Variants in ACTN2 observed in about 807,000 individuals in gnomAD.
The protein encoded by ACTN2 is actinin alpha 2, also known as alpha-actinin-2.
A neutral mutation model predicts 113.8 loss-of-function variants in ACTN2; 39 were observed. The observed-to-expected ratio is 0.34, with a 90% CI of 0.27 to 0.45. The LOEUF (loss-of-function observed/expected upper bound fraction) is 0.45, where lower values mean the gene tolerates loss of function less well. ACTN2 is among the 20% of genes least tolerant of loss of function. The pLI is 1.00. For synonymous variants in ACTN2, 429 were observed against 444.1 expected (o/e 0.97, Z 0.43); for missense variants, 992 against 1,177.9 (o/e 0.84, Z 2.31).
At position 236,763,027 on chromosome 1, in the gene ACTN2, TA is replaced by T; in HGVS notation, c.*414del. On this transcript the variant is annotated 3_prime_UTR_variant, in exon 21 of 21. Transcript: ENST00000366578. ...TTGGTAAATAAAGGTTTGCTATTTG[TA>T]AAAAATTTCATTTATCTCTAATATG... 4 of 312,800 alleles carry T rather than the reference TA, an allele frequency of 1.3e-5. No individual in the cohort carries two copies. Among genetic ancestry groups the T allele is most frequent in the Non-Finnish European group, 2.5e-5 (4 of 161,150 alleles). 19.4% of individuals were successfully genotyped at this position (312,800 alleles called of 1,614,324 possible). A position where few individuals can be genotyped will look rare whatever the true frequency, so the allele number is the denominator to read the frequency against.
At chr1:236,693,612 G>A (rs1005378658) in intron 1 of ACTN2, among the ~76,000 whole-genome samples, 2 of 152,120 alleles carry the variant, frequency 1.3e-5, no homozygotes, top group African/African-American at 2.4e-5. Context: ...CACCACGGCC[G>A]TTGGGTCACC....
chr1:236,706,057 T>G (rs1018430847), intron 1 of ACTN2, among the ~76,000 whole-genome samples: 24 of 152,190 alleles, frequency 1.6e-4, no homozygotes, highest in Non-Finnish European at 2.9e-5. Flanking sequence ...AGCCTGATTC[T>G]ATTTTTAGAT....
At chr1:236,726,608 G>A (rs567529288) in intron 5 of ACTN2, among the ~76,000 whole-genome samples, 1 of 152,246 alleles carries the variant, frequency 6.6e-6, no homozygotes, top group East Asian at 1.9e-4. Flanking sequence ...AAAAGAGTTG[G>A]TTATATTTTC....
At chr1:236,741,751 T>C (rs2102925618) in intron 10 of ACTN2, among the ~76,000 whole-genome samples, 1 of 152,328 alleles carries the variant, frequency 6.6e-6, no homozygotes, top group African/African-American at 2.4e-5. Context: ...TTCTTTTTCT[T>C]TTGCCCCTTA....
chr1:236,754,926 C>A lies in ACTN2; in HGVS notation c.1975-93C>A. The A allele has an allele frequency of 6.8e-7, 1 of 1,475,878 alleles. No individual in the cohort carries two copies. The highest frequency in any genetic ancestry group is 9.5e-7 in the Non-Finnish European group (1 of 1,056,076). 91.4% of individuals were successfully genotyped at this position (1,475,878 alleles called of 1,614,324 possible). Reference sequence around the variant, plus strand: ...CGCTGCCTGACGCTGGCCTAGCATCCCATGCAGGGTCTGGAACGGCGCCTC... The same window carrying A: ...CGCTGCCTGACGCTGGCCTAGCATCACATGCAGGGTCTGGAACGGCGCCTC... On this transcript the variant is annotated intron_variant, in intron 16 of 20. Transcript: ENST00000366578. The surrounding 1 kb of genome is among the most constrained non-coding windows in gnomAD (Gnocchi z 4.9).
chr1:236,710,805 C>T lies in ACTN2; in HGVS notation c.127-7053C>T, dbSNP rs548216219. On this transcript the variant is annotated intron_variant, in intron 1 of 20. Transcript: ENST00000366578. ...GCAAACCCTACTGTGAACTGTGTGC[C>T]AGAAATCTACATTGTGCGCTCTTTA... Among the ~76,000 whole-genome samples, 14 of 152,268 alleles carry T rather than the reference C, an allele frequency of 9.2e-5. No individual in the cohort carries two copies. The East Asian group carries it at 1.9e-3, about 21-fold the overall frequency.
rs552471202 is a variant in ACTN2 at position 236,686,571 on chromosome 1, G to GCGCCCGC, written c.-84_-78dup. ...AGAGGAGCCGCGCGAAGGTCACCCC[G>GCGCCCGC]CGCCCGCCGCCCGCCGCCCGCCGCC... On this transcript the variant is annotated 5_prime_UTR_variant, in exon 1 of 21. Coordinates refer to ENST00000366578, the MANE Select transcript of ACTN2 (RefSeq NM_001103.4). 9,397 of 1,311,918 alleles carry GCGCCCGC rather than the reference G, an allele frequency of 7.2e-3. 224 individuals carry two copies. The Admixed American group carries it at 0.074, about 10-fold the overall frequency. 81.3% of individuals were successfully genotyped at this position (1,311,918 alleles called of 1,614,324 possible).
Position 236,686,503 on chromosome 1 carries a change from C to T in ACTN2, c.-171C>T, listed in dbSNP as rs1040174989. 2.6e-5 allele frequency: 16 copies of T among 609,258 alleles called. No individual in the cohort carries two copies. The highest frequency in any genetic ancestry group is 7.9e-5 in the African/African-American group (4 of 50,364). The allele number at this position is 609,258 out of a possible 1,614,324, so 37.7% of individuals were successfully genotyped here. A position where few individuals can be genotyped will look rare whatever the true frequency, so the allele number is the denominator to read the frequency against. Reference sequence around the variant, plus strand: ...GCGCGGCAGCTGCTCGCAGCCGGAGCTGGTGCTTCGCCCGAGACCCAGCGC... The same window carrying T: ...GCGCGGCAGCTGCTCGCAGCCGGAGTTGGTGCTTCGCCCGAGACCCAGCGC... On this transcript the variant is annotated 5_prime_UTR_variant, in exon 1 of 21. Coordinates refer to ENST00000366578, the MANE Select transcript of ACTN2 (RefSeq NM_001103.4).
chr1:236,706,745 T>C (rs1277682987), intron 1 of ACTN2, among the ~76,000 whole-genome samples: 1 of 152,238 alleles, frequency 6.6e-6, no homozygotes, highest in Non-Finnish European at 1.5e-5. Flanking sequence ...AAGCAGCTTT[T>C]TGATACTGTT....
In ACTN2 at chr1:236,754,918, CT is replaced by C; in HGVS notation, c.1975-100del. 7.0e-6 allele frequency: 10 copies of C among 1,420,268 alleles called. No homozygotes were observed. In the South Asian group the frequency reaches 1.2e-4, roughly 16 times the overall value. The allele number at this position is 1,420,268 out of a possible 1,614,324, so 88.0% of individuals were successfully genotyped here. Reference sequence around the variant, plus strand: ...ACACTGGCCGCTGCCTGACGCTGGCCTAGCATCCCATGCAGGGTCTGGAACG... The same window carrying C: ...ACACTGGCCGCTGCCTGACGCTGGCCAGCATCCCATGCAGGGTCTGGAACG... On this transcript the variant is annotated intron_variant, in intron 16 of 20. Coordinates refer to ENST00000366578, the MANE Select transcript of ACTN2 (RefSeq NM_001103.4). The surrounding 1 kb of genome is among the most constrained non-coding windows in gnomAD (Gnocchi z 4.9).
Position 236,703,413 on chromosome 1 carries a change from C to T in ACTN2, c.127-14445C>T, listed in dbSNP as rs116525918. 5.3e-3 allele frequency among the ~76,000 whole-genome samples: 734 copies of T among 138,994 alleles called. 2 individuals carry two copies. The highest frequency in any genetic ancestry group is 0.031 in the South Asian group (121 of 3,882). The allele number at this position is 138,994 out of a possible 152,430, so 91.2% of individuals were successfully genotyped here. A position where few individuals can be genotyped will look rare whatever the true frequency, so the allele number is the denominator to read the frequency against. ...TGACCAGGCACCAATAGCTTTCATG[C>T]GTTCCTTTGGGCCTACTACCTTTTT... On this transcript the variant is annotated intron_variant, in intron 1 of 20. Transcript: ENST00000366578.
At chr1:236,696,401 T>C (rs1004684462) in intron 1 of ACTN2, among the ~76,000 whole-genome samples, 17 of 152,042 alleles carry the variant, frequency 1.1e-4, no homozygotes, top group African/African-American at 3.9e-4. Flanking sequence ...AAGGTAGTTA[T>C]AATTGAGATT....
In ACTN2 at chr1:236,724,473, C is replaced by A. The variant is rs914784876; in HGVS notation, c.449-1460C>A. On this transcript the variant is annotated intron_variant, in intron 4 of 20. Coordinates refer to ENST00000366578, the MANE Select transcript of ACTN2 (RefSeq NM_001103.4). ...GAGGGAGCAGGAGATGCCTGAGGAG[C>A]CTTCAGACCAGAGCTCCTGGCTGAC... is the stretch of plus-strand genomic sequence containing the variant. Among the ~76,000 whole-genome samples, 3 of 152,168 alleles carry A rather than the reference C, an allele frequency of 2.0e-5. No homozygotes were observed. In the East Asian group the frequency reaches 5.8e-4, roughly 29 times the overall value.
chr1:236,751,484 G>A lies in ACTN2; in HGVS notation c.1671G>A (p.Ala557=), dbSNP rs772691130. The part of the protein sequence containing the change: ...SIEEIQSLIT[A]HEQFKATLPE... ...CTCGGGTGTAGAGTCTGATCACTGC[G>A]CATGAGCAGTTCAAGGCCACGCTGC... Residue 557 remains alanine (A), a synonymous_variant, in exon 15 of 21, where the codon GCG becomes GCA. Coordinates refer to ENST00000366578, the MANE Select transcript of ACTN2 (RefSeq NM_001103.4). 27 of 1,613,886 alleles carry A rather than the reference G, an allele frequency of 1.7e-5. No homozygotes were observed. The highest frequency in any genetic ancestry group is 6.7e-5 in the Admixed American group (4 of 59,996).
chr1:236,731,434 C>T, intron 7 of ACTN2, 120 bp downstream of exon 7: 1 of 757,050 alleles, frequency 1.3e-6, no homozygotes, highest in South Asian at 1.5e-5. Flanking sequence ...CTTTGGATTC[C>T]TAACAAATTT....
intron 1 of ACTN2, among the ~76,000 whole-genome samples, chr1:236,715,230 A>G (rs544221162): frequency 6.6e-6 from 1 of 150,902 alleles, no homozygotes; most frequent in Admixed American, 6.6e-5. Context: ...ATATGTATAC[A>G]TGTGCCATGT....
chr1:236,724,059 C>A (rs1773441), intron 4 of ACTN2, among the ~76,000 whole-genome samples: 142,636 of 152,198 alleles, frequency 0.94, 67,265 homozygotes, highest in Non-Finnish European at 1. Context: ...CTTAAACAGC[C>A]GACCTTTATT....
rs1659521430 is a variant in ACTN2 at position 236,755,256 on chromosome 1, T to C, written c.2154+58T>C. On this transcript the variant is annotated intron_variant, in intron 17 of 20. Transcript: ENST00000366578. ...TTCTCACGGGGACCATGCCACCTCC[T>C]CAGGGTGCTTTCTTCATGCACTTGT... 5.0e-6 allele frequency: 8 copies of C among 1,597,252 alleles called. No homozygotes were observed. The Middle Eastern group carries it at 5.3e-4, about 107-fold the overall frequency.
At chr1:236,728,143 CTTTT>C (rs11436295) in intron 6 of ACTN2, among the ~76,000 whole-genome samples, 3 of 121,070 alleles carry the variant, frequency 2.5e-5, no homozygotes, top group Non-Finnish European at 1.8e-5. Flanking sequence ...TAGCCCAAGC[CTTTT>C]TTTTTTTTTT....
Sources: allele counts gnomAD v4.1 joint callset (sites outside exome capture counted in the v4.1 genomes callset), GRCh38; gene constraint gnomAD v4.1.1; non-coding constraint Gnocchi (gnomAD v3.1); transcripts MANE v1.5; gene names NCBI Gene and HGNC (gene_info 2026-07-23, HGNC 2026-07-21).